Variants in FBXL17 observed in about 807,000 individuals in gnomAD.
The protein encoded by FBXL17 is F-box and leucine rich repeat protein 17.
A neutral mutation model predicts 66.2 loss-of-function variants in FBXL17; 22 were observed. That is an observed-to-expected ratio of 0.33 (90% CI 0.24 to 0.47). The LOEUF is 0.47. Ranked by LOEUF, FBXL17 falls within the 20% of genes least tolerant of loss-of-function variation. The pLI, the probability that FBXL17 is intolerant of heterozygous loss-of-function variation, is 1.00. For synonymous variants in FBXL17, 474 were observed against 400.5 expected (o/e 1.18, Z -2.19); for missense variants, 878 against 948.2 (o/e 0.93, Z 0.97).
chr5:107,874,085 ACT>A (rs1211136965), intron 8 of FBXL17, among the ~76,000 whole-genome samples: 1 of 151,918 alleles, frequency 6.6e-6, no homozygotes, highest in Non-Finnish European at 1.5e-5. Context: ...GCAGGTCTTC[ACT>A]CTCTGCTCAA....
At chr5:108,008,013 A>T (rs1012858350) in intron 7 of FBXL17, among the ~76,000 whole-genome samples, 3 of 152,224 alleles carry the variant, frequency 2.0e-5, no homozygotes, top group Non-Finnish European at 4.4e-5. Flanking sequence ...TATTGTGGAA[A>T]TAAAAGAACG....
chr5:107,911,510 T>C (rs1580705572), intron 7 of FBXL17, among the ~76,000 whole-genome samples: 1 of 152,112 alleles, frequency 6.6e-6, no homozygotes, highest in East Asian at 1.9e-4. Flanking sequence ...GTACTTTATA[T>C]ATATTAACTC....
chr5:107,974,988 A>G (rs1161413309), intron 7 of FBXL17, among the ~76,000 whole-genome samples: 1 of 152,192 alleles, frequency 6.6e-6, no homozygotes, highest in Admixed American at 6.5e-5. Flanking sequence ...GTCTTCATAT[A>G]ATGTTAATGC....
chr5:108,064,270 G>A (rs895311587), intron 6 of FBXL17, among the ~76,000 whole-genome samples: 1 of 152,018 alleles, frequency 6.6e-6, no homozygotes, highest in African/African-American at 2.4e-5. Context: ...AGTCCATCAA[G>A]TTTCACTTTC....
intron 7 of FBXL17, among the ~76,000 whole-genome samples, chr5:107,919,695 C>G (rs550859775): frequency 1.3e-5 from 2 of 152,284 alleles, no homozygotes; most frequent in African/African-American, 4.8e-5. Flanking sequence ...GGCTCATACT[C>G]TCTCGTCTTT....
intron 7 of FBXL17, among the ~76,000 whole-genome samples, chr5:107,944,774 TAA>T (rs1751225079): frequency 6.6e-6 from 1 of 152,126 alleles, no homozygotes; most frequent in Admixed American, 6.6e-5. Flanking sequence ...TCCAATTTTT[TAA>T]AAGACTATTG....
chr5:108,154,321 T>C (rs1450795843), intron 6 of FBXL17, among the ~76,000 whole-genome samples: 3 of 140,738 alleles, frequency 2.1e-5, no homozygotes, highest in Non-Finnish European at 4.5e-5. Flanking sequence ...ATGCCAGGCA[T>C]GGTGGCTCAC....
rs1238850373 is a variant in FBXL17, at chr5:108,364,815, C to G, written c.1297G>C (p.Val433Leu). ...TGAAGTAAAGGACAGTGAGAGGCAA[C>G]CGCAATAATAGAGGTGTCAGAAAGC... ...KQLSDTSIIAVASHCPLLQKV... is the reference protein window; with the variant it reads ...KQLSDTSIIALASHCPLLQKV... The change falls in exon 3 of 9, where the codon GTT (valine) becomes CTT (leucine). Residue 433 changes from valine (V) to leucine (L), a missense_variant. Around this residue, in one of 4 missense-constraint regions of FBXL17, gnomAD observed 236 missense variants for 389.1 expected, o/e 0.61. Transcript: ENST00000542267. 13 of 1,612,852 alleles carry G rather than the reference C, an allele frequency of 8.1e-6. No individual in the cohort carries two copies. Among genetic ancestry groups the G allele is most frequent in the Non-Finnish European group, 1.1e-5 (13 of 1,179,186 alleles).
chr5:108,037,597 T>C (rs1746894614), intron 6 of FBXL17, among the ~76,000 whole-genome samples: 1 of 152,176 alleles, frequency 6.6e-6, no homozygotes, highest in African/African-American at 2.4e-5. Flanking sequence ...ACAGGCAGAA[T>C]GACAGGGTGC....
chr5:108,222,955 T>C (rs143058946), intron 5 of FBXL17, among the ~76,000 whole-genome samples: 17 of 152,122 alleles, frequency 1.1e-4, no homozygotes, highest in African/African-American at 4.1e-4. Context: ...ATTACAGGAG[T>C]GATCCATTGT....
chr5:107,910,630 G>T (rs1483679052), intron 7 of FBXL17, among the ~76,000 whole-genome samples: 1 of 152,026 alleles, frequency 6.6e-6, no homozygotes, highest in East Asian at 1.9e-4. Flanking sequence ...ATTTCCAAAG[G>T]ATATAATTGC....
rs187363978 is a variant in FBXL17 at position 108,029,843 on chromosome 5, A to G, written c.1746-8842T>C. ...CCTTTTTAATGTTCAAGTAAATGCT[A>G]TAGGATTAGAATTCGAGATTCCAGA... On this transcript the variant is annotated intron_variant, in intron 6 of 8. Transcript: ENST00000542267. 7.9e-5 allele frequency among the ~76,000 whole-genome samples: 12 copies of G among 152,088 alleles called. No individual in the cohort carries two copies. In the East Asian group the frequency reaches 2.3e-3, roughly 29 times the overall value.
intron 6 of FBXL17, among the ~76,000 whole-genome samples, chr5:108,053,828 A>G (rs915578865): frequency 6.6e-6 from 1 of 152,214 alleles, no homozygotes; most frequent in Admixed American, 6.5e-5. Flanking sequence ...TTACTACAGC[A>G]CTATTTACAA....
At chr5:107,907,243 C>T (rs1580701732) in intron 7 of FBXL17, among the ~76,000 whole-genome samples, 1 of 152,256 alleles carries the variant, frequency 6.6e-6, no homozygotes, top group South Asian at 2.1e-4. Flanking sequence ...TCTCAAAAGA[C>T]GACTAATTTG....
At chr5:107,986,369 T>A (rs896975989) in intron 7 of FBXL17, among the ~76,000 whole-genome samples, 80 of 151,830 alleles carry the variant, frequency 5.3e-4, no homozygotes, top group African/African-American at 1.9e-3. Context: ...TTTTTAAGGC[T>A]AAAAAAATTA....
chr5:108,028,237 CAT>C (rs1392523994), intron 6 of FBXL17, among the ~76,000 whole-genome samples: 1 of 152,070 alleles, frequency 6.6e-6, no homozygotes, highest in Non-Finnish European at 1.5e-5. Flanking sequence ...ACCACAAAAA[CAT>C]TAATAGTGAA....
chr5:107,920,852 C>G (rs1750295866), intron 7 of FBXL17, among the ~76,000 whole-genome samples: 1 of 152,132 alleles, frequency 6.6e-6, no homozygotes. Context: ...TAATTTGTCA[C>G]CACTACAAGT....
At chr5:108,013,356 C>T (rs1308452621) in intron 7 of FBXL17, among the ~76,000 whole-genome samples, 2 of 152,208 alleles carry the variant, frequency 1.3e-5, no homozygotes, top group Admixed American at 1.3e-4. Context: ...TCCGTGTTTG[C>T]ATGTAATCAC....
intron 7 of FBXL17, among the ~76,000 whole-genome samples, chr5:107,982,448 T>A (rs1297470464): frequency 3.4e-5 from 5 of 148,324 alleles, no homozygotes; most frequent in Admixed American, 6.8e-5. Context: ...CTCAATGCTT[T>A]AAAAAAAAAA....
Sources: allele counts gnomAD v4.1 joint callset (sites outside exome capture counted in the v4.1 genomes callset), GRCh38; gene constraint gnomAD v4.1.1; regional missense constraint gnomAD v4.1.1; transcripts MANE v1.5; gene names NCBI Gene and HGNC (gene_info 2026-07-23, HGNC 2026-07-21).